GCN1: variants seen among roughly 807,000 people sequenced by gnomAD.
GCN1 encodes the protein stalled ribosome sensor GCN1.
GCN1 carries 90 observed loss-of-function variants against 288.4 expected under a neutral mutation model. The ratio of observed to expected loss-of-function variants is 0.31; its 90% CI spans 0.26 to 0.37. GCN1 has a LOEUF of 0.37. Among genes scored for constraint, GCN1 ranks in the 10% least tolerant of loss-of-function variants. The pLI is 1.00. For missense variants in GCN1, 2,586 were observed against 3,419.9 expected (o/e 0.76, Z 6.08); for synonymous variants, 1,386 against 1,420.2 (o/e 0.98, Z 0.54).
At chr12:120,143,254 T>C in intron 42 of GCN1, among the ~76,000 whole-genome samples, 1 of 152,138 alleles carries the variant, frequency 6.6e-6, no homozygotes, top group East Asian at 1.9e-4. Flanking sequence ...AGACTGATCA[T>C]CAGAAGTGGA....
chr12:120,130,514 C>T (rs1252601130), intron 56 of GCN1, 132 bp downstream of exon 56: 8 of 654,932 alleles, frequency 1.2e-5, no homozygotes, highest in Non-Finnish European at 2.0e-5. Context: ...AAGTGTTCAG[C>T]GATCTCCTGG....
Position 120,158,453 on chromosome 12 carries a change from C to T in GCN1, c.2905+7G>A. 6.5e-7 allele frequency: 1 copy of T among 1,546,046 alleles called. No homozygotes were observed. The highest frequency in any genetic ancestry group is 8.7e-7 in the Non-Finnish European group (1 of 1,144,118). ...CCTGGTGCCCCTGATCCCGTCCCAGCCCTTACCTGGCTCCCCCTTGCCCAC... is the reference window on the plus strand; with the variant it reads ...CCTGGTGCCCCTGATCCCGTCCCAGTCCTTACCTGGCTCCCCCTTGCCCAC... On this transcript the variant is annotated splice_region_variant and intron_variant, in intron 25 of 57. Coordinates refer to ENST00000300648, the MANE Select transcript of GCN1 (RefSeq NM_006836.2). This position sits in a 1 kb window ranked among gnomAD's most constrained non-coding sequence, Gnocchi z 4.3.
chr12:120,143,148 G>GA (rs889600016), intron 42 of GCN1, among the ~76,000 whole-genome samples: 5 of 151,968 alleles, frequency 3.3e-5, no homozygotes, highest in Admixed American at 6.6e-5. Flanking sequence ...AATGTTGAGG[G>GA]AAAAAAACTT....
At chr12:120,149,474 A>C (rs1358055048) in intron 36 of GCN1, 132 bp downstream of exon 36, 4 of 651,378 alleles carry the variant, frequency 6.1e-6, no homozygotes, top group Non-Finnish European at 2.8e-6. Context: ...CAAATTTTTA[A>C]AAAGGCAGAG....
chr12:120,145,143 CG>C (rs1566301946), intron 39 of GCN1, 82 bp from the exon 40 acceptor site: 2 of 1,571,540 alleles, frequency 1.3e-6, no homozygotes, highest in East Asian at 4.5e-5. Flanking sequence ...GAAGGGGCAC[CG>C]AGGGCCTCTT....
intron 5 of GCN1, among the ~76,000 whole-genome samples, chr12:120,180,805 G>A (rs900302809): frequency 2.3e-4 from 35 of 151,380 alleles, no homozygotes; most frequent in Non-Finnish European, 3.4e-4. Flanking sequence ...TGGCTAACAC[G>A]GTGAAACCCT....
chr12:120,129,287 C>T lies in GCN1; in HGVS notation c.7879G>A (p.Glu2627Lys). 6.2e-7 allele frequency: 1 copy of T among 1,613,752 alleles called. No homozygotes were observed. The highest frequency in any genetic ancestry group is 8.5e-7 in the Non-Finnish European group (1 of 1,179,718). ...CCCCAGGCTCCCACCTGAAACACCT[C>T]TTCACCCTGCCGCATCTTGAGGAGG... ...VNLLKMRQGEEVFQSLSKILD... is the reference protein window; with the variant it reads ...VNLLKMRQGEKVFQSLSKILD... Residue 2627 changes from glutamate (E) to lysine (K), a missense_variant, in exon 57 of 58, where the codon GAG becomes AAG. Glu to Lys is a moderately conservative substitution (Grantham distance 56, BLOSUM62 1). Around this residue, in one of 8 missense-constraint regions of GCN1, gnomAD observed 355 missense variants for 431.1 expected, o/e 0.82. Coordinates refer to ENST00000300648, the MANE Select transcript of GCN1 (RefSeq NM_006836.2).
intron 5 of GCN1, among the ~76,000 whole-genome samples, chr12:120,180,862 C>A (rs60231227): frequency 6.6e-6 from 1 of 151,620 alleles, no homozygotes; most frequent in East Asian, 1.9e-4. Context: ...TGGTGGCAGG[C>A]GCCTGTAGTC....
In GCN1 at chr12:120,131,924, A is replaced by G; in HGVS notation, c.7414+2T>C. 6.3e-7 allele frequency: 1 copy of G among 1,588,226 alleles called. No individual in the cohort carries two copies. Among genetic ancestry groups the G allele is most frequent in the Non-Finnish European group, 8.6e-7 (1 of 1,162,066 alleles). ...TGAAGGGGAACTCTCCAGTGTACTT[A>G]CCCAGCAAGCACTGCTGTAGAACGG... On this transcript the variant is annotated splice_donor_variant, in intron 54 of 57. Transcript: ENST00000300648. LOFTEE classifies it high-confidence loss of function.
At chr12:120,160,332 G>C (rs1877885936) in intron 22 of GCN1, 77 bp from the exon 23 acceptor site, 1 of 1,020,552 alleles carries the variant, frequency 9.8e-7, no homozygotes, top group Non-Finnish European at 1.5e-6. Context: ...AGGTGAGCTT[G>C]CTTCCACACA....
chr12:120,187,486 G>A (rs1878857029), intron 2 of GCN1, among the ~76,000 whole-genome samples: 1 of 152,062 alleles, frequency 6.6e-6, no homozygotes, highest in Non-Finnish European at 1.5e-5. Flanking sequence ...AAAGTGCTGG[G>A]ATTCCAGGTG....
chr12:120,151,393 TG>T lies in GCN1; in HGVS notation c.4063-3del, dbSNP rs779665417. On this transcript the variant is annotated splice_region_variant and splice_polypyrimidine_tract_variant and intron_variant, in intron 33 of 57. Transcript: ENST00000300648. ...GCAGCTGGCTACGGACTCCTGGACCTGGGGAAGGGCCCACCTGTCAATGCTG... is the reference window on the plus strand; with the variant it reads ...GCAGCTGGCTACGGACTCCTGGACCTGGGAAGGGCCCACCTGTCAATGCTG... 5 of 1,612,800 alleles carry T rather than the reference TG, an allele frequency of 3.1e-6. No homozygotes were observed. The highest frequency in any genetic ancestry group is 4.2e-6 in the Non-Finnish European group (5 of 1,179,924).
At chr12:120,140,560 A>T (rs1329742681) in intron 45 of GCN1, among the ~76,000 whole-genome samples, 1 of 152,192 alleles carries the variant, frequency 6.6e-6, no homozygotes, top group East Asian at 1.9e-4. Context: ...GCATCACAAA[A>T]GAGACTGATC....
At chr12:120,146,918 TCATTTCTCCC>T (rs1877381473) in intron 38 of GCN1, 124 bp downstream of exon 38, 3 of 516,634 alleles carry the variant, frequency 5.8e-6, no homozygotes, top group Non-Finnish European at 9.8e-6. Context: ...ACAAAATGGC[TCATTTCTCCC>T]CATAAAAATA....
chr12:120,160,811 CA>C (rs1877901114), intron 22 of GCN1, among the ~76,000 whole-genome samples: 1 of 152,204 alleles, frequency 6.6e-6, no homozygotes, highest in African/African-American at 2.4e-5. Flanking sequence ...CACAATCTAG[CA>C]GGCGAAGATA....
At chr12:120,181,231 C>CG (rs2139137503) in intron 5 of GCN1, among the ~76,000 whole-genome samples, 1 of 151,884 alleles carries the variant, frequency 6.6e-6, no homozygotes, top group South Asian at 2.1e-4. Context: ...TTTGGAAGAC[C>CG]GCAGCAGGTG....
At chr12:120,152,222 T>G (rs1877579839) in intron 33 of GCN1, among the ~76,000 whole-genome samples, 1 of 151,776 alleles carries the variant, frequency 6.6e-6, no homozygotes, top group African/African-American at 2.4e-5. Flanking sequence ...AGAGACAGGA[T>G]CTCACTATGT....
intron 2 of GCN1, 21 bp downstream of exon 2, chr12:120,190,277 A>G: frequency 9.0e-7 from 1 of 1,117,286 alleles, no homozygotes; most frequent in Non-Finnish European, 1.4e-6. Flanking sequence ...TGTCCAGGGT[A>G]TGTGGATGAA....
rs759146740 is a variant in GCN1 at position 120,156,571 on chromosome 12, C to T, written c.3202G>A (p.Ala1068Thr). 1 of 1,614,056 alleles carries T rather than the reference C, an allele frequency of 6.2e-7. No homozygotes were observed. Among genetic ancestry groups the T allele is most frequent in the Non-Finnish European group, 8.5e-7 (1 of 1,179,958 alleles). Residue 1068 changes from alanine to threonine, a missense_variant, in exon 28 of 58, where the codon GCC becomes ACC. Physicochemically the swap from Ala to Thr is moderately conservative, Grantham distance 58. This residue lies in a region of GCN1 where 153 missense variants were observed against 252.0 expected (regional missense o/e 0.61). Coordinates refer to ENST00000300648, the MANE Select transcript of GCN1 (RefSeq NM_006836.2). The surrounding 1 kb of genome is among the most constrained non-coding windows in gnomAD (Gnocchi z 5.8). Reference sequence around the variant, plus strand: ...CAGCCATCATCACCACTGCTGCTGGCACACAGGGTGGTCAGGGTGTCTGAA... The same window carrying T: ...CAGCCATCATCACCACTGCTGCTGGTACACAGGGTGGTCAGGGTGTCTGAA... ...LASDTLTTLC[A>T]SSSGDDGCAF...
Sources: gnomAD v4.1 joint callset for allele counts (sites outside exome capture counted in the v4.1 genomes callset) on GRCh38, gnomAD v4.1.1 for gene constraint, gnomAD v4.1.1 regional missense constraint, Gnocchi (gnomAD v3.1) non-coding constraint, MANE v1.5 for transcripts, NCBI Gene and HGNC (gene_info 2026-07-23, HGNC 2026-07-21) for gene names.